MYH14: variants seen among roughly 807,000 people sequenced by gnomAD.
MYH14 encodes myosin heavy chain 14.
Under a neutral mutation model 255.5 loss-of-function variants are expected in MYH14, and 123 were observed. The ratio of observed to expected loss-of-function variants is 0.48; its 90% CI spans 0.42 to 0.56. The LOEUF (loss-of-function observed/expected upper bound fraction) is 0.56, where lower values mean the gene tolerates loss of function less well. MYH14 is among the 20% of genes least tolerant of loss of function. MYH14 has a pLI of 0.00. For missense variants in MYH14, 2,423 were observed against 2,802.3 expected, an observed-to-expected ratio of 0.86 and a Z score of 3.06; for synonymous variants, 1,095 against 1,161.2, an observed-to-expected ratio of 0.94 and a Z score of 1.16.
At chr19:50,207,281 G>GAGAGAC (rs1568458454) in intron 1 of MYH14, among the ~76,000 whole-genome samples, 1 of 144,468 alleles carries the variant, frequency 6.9e-6, no homozygotes, top group Admixed American at 7.0e-5. Context: ...CAGAGAGAGA[G>GAGAGAC]AGAGAGAGAG....
intron 1 of MYH14, among the ~76,000 whole-genome samples, chr19:50,204,395 T>C (rs1192892259): frequency 6.6e-6 from 1 of 152,168 alleles, no homozygotes; most frequent in Non-Finnish European, 1.5e-5. Flanking sequence ...AATCACCAAC[T>C]GGGACGCAGA....
chr19:50,286,342 C>A, intron 33 of MYH14, 140 bp from the exon 34 acceptor site: 1 of 837,018 alleles, frequency 1.2e-6, no homozygotes, highest in Non-Finnish European at 1.9e-6. Context: ...TTTAATCCCT[C>A]TACCTCCCTC....
At chr19:50,222,990 T>A in intron 3 of MYH14, 93 bp from the exon 4 acceptor site, 1 of 1,259,948 alleles carries the variant, frequency 7.9e-7, no homozygotes, top group South Asian at 1.2e-5. Context: ...TCCCTGGGAA[T>A]AATTTTTAAA....
intron 10 of MYH14, among the ~76,000 whole-genome samples, chr19:50,232,410 G>A (rs2033443371): frequency 6.7e-6 from 1 of 149,366 alleles, no homozygotes. Context: ...TGGCCAATAT[G>A]GTGAAACACC....
Position 50,278,390 on chromosome 19 carries a change from G to A in MYH14, c.4032+101G>A, listed in dbSNP as rs552414405. 2.4e-4 allele frequency: 201 copies of A among 848,682 alleles called. 1 individual carries two copies. Among genetic ancestry groups the A allele is most frequent in the Admixed American group, 1.4e-3 (45 of 32,910 alleles). 52.6% of individuals were successfully genotyped at this position (848,682 alleles called of 1,614,324 possible). A position where few individuals can be genotyped will look rare whatever the true frequency, so the allele number is the denominator to read the frequency against. On this transcript the variant is annotated intron_variant, in intron 30 of 42. Transcript: ENST00000642316. ...TGGTCCATATCAAACCAATTGTCTC[G>A]TTTGGCTCTTCCAACATAATCATGT...
intron 39 of MYH14, among the ~76,000 whole-genome samples, chr19:50,296,148 C>T (rs1448290774): frequency 1.3e-5 from 2 of 152,002 alleles, no homozygotes; most frequent in Non-Finnish European, 2.9e-5. Flanking sequence ...CTAAGCAAAC[C>T]CCTGTAGTTC....
intron 3 of MYH14, among the ~76,000 whole-genome samples, chr19:50,220,550 C>T (rs943149392): frequency 5.3e-5 from 8 of 150,998 alleles, no homozygotes; most frequent in African/African-American, 1.9e-4. Flanking sequence ...ATATTGTAAA[C>T]ATATTATGCT....
Position 50,284,552 on chromosome 19 carries a change from T to A in MYH14, c.4540-1930T>A, listed in dbSNP as rs530918877. 5.3e-4 allele frequency among the ~76,000 whole-genome samples: 81 copies of A among 151,720 alleles called. 1 individual carries two copies. The highest frequency in any genetic ancestry group is 3.3e-3 in the East Asian group (17 of 5,166). On this transcript the variant is annotated intron_variant, in intron 33 of 42. Transcript: ENST00000642316. ...CCGGCTAATTTTTTTATTTTTATTT[T>A]TTTTTTATTTTTTATTTTTAGTAAA...
intron 29 of MYH14, among the ~76,000 whole-genome samples, chr19:50,277,296 C>A (rs1006859929): frequency 2.6e-5 from 4 of 151,962 alleles, no homozygotes; most frequent in African/African-American, 9.7e-5. Flanking sequence ...AGGTATTCTG[C>A]GAGAAGGTGA....
intron 33 of MYH14, among the ~76,000 whole-genome samples, chr19:50,283,977 C>T (rs1219944510): frequency 2.0e-5 from 3 of 151,646 alleles, no homozygotes; most frequent in Non-Finnish European, 2.9e-5. Flanking sequence ...GAGGCTGAGG[C>T]AGGAGAATCG....
intron 27 of MYH14, among the ~76,000 whole-genome samples, chr19:50,272,932 G>A (rs2035365673): frequency 6.6e-6 from 1 of 152,134 alleles, no homozygotes; most frequent in Non-Finnish European, 1.5e-5. Context: ...TAGGTTAAGG[G>A]AAAAGTGAAA....
intron 2 of MYH14, among the ~76,000 whole-genome samples, chr19:50,214,895 G>A (rs2032390489): frequency 6.6e-6 from 1 of 152,168 alleles, no homozygotes. Context: ...GCCTCGGCCT[G>A]GCTGGTTTTT....
In MYH14 at chr19:50,280,670, C is replaced by G. The variant is rs1443822941; in HGVS notation, c.4290+287C>G. On this transcript the variant is annotated intron_variant, in intron 32 of 42. Transcript: ENST00000642316. The surrounding 1 kb of genome is among the most constrained non-coding windows in gnomAD (Gnocchi z 4.8). ...CTCTTGGCCTCTGGGCCTCCAGCCT[C>G]TCCCCTAACAGCTCATCCCCTGCAC... Among the ~76,000 whole-genome samples, 3 of 152,216 alleles carry G rather than the reference C, an allele frequency of 2.0e-5. No homozygotes were observed. The South Asian group carries it at 6.2e-4, about 32-fold the overall frequency.
At chr19:50,240,834 A>G (rs2033865406) in intron 10 of MYH14, among the ~76,000 whole-genome samples, 2 of 152,094 alleles carry the variant, frequency 1.3e-5, no homozygotes, top group Non-Finnish European at 2.9e-5. Flanking sequence ...AACCCAAAAA[A>G]ACAACCACAG....
At chr19:50,246,761 G>A (rs540403496) in intron 11 of MYH14, among the ~76,000 whole-genome samples, 18 of 152,320 alleles carry the variant, frequency 1.2e-4, no homozygotes, top group Admixed American at 6.5e-4. Context: ...ACAACACTGC[G>A]CTGAACATCC....
At chr19:50,212,016 T>C (rs1223339618) in intron 2 of MYH14, among the ~76,000 whole-genome samples, 1 of 151,836 alleles carries the variant, frequency 6.6e-6, no homozygotes, top group African/African-American at 2.4e-5. Context: ...CAAAAACCCA[T>C]TGAGAAGAGA....
At chr19:50,240,370 G>A (rs1214552008) in intron 10 of MYH14, among the ~76,000 whole-genome samples, 1 of 152,042 alleles carries the variant, frequency 6.6e-6, no homozygotes, top group Non-Finnish European at 1.5e-5. Context: ...CTTGAGCCGG[G>A]GAATTTGAGA....
At chr19:50,283,569 GT>G (rs1013901838) in intron 33 of MYH14, among the ~76,000 whole-genome samples, 1 of 152,020 alleles carries the variant, frequency 6.6e-6, no homozygotes, top group African/African-American at 2.4e-5. Flanking sequence ...GAACATTTGG[GT>G]TTTTTTCCAG....
rs139275707 is a variant in MYH14 at position 50,282,211 on chromosome 19, T to A, written c.4539+369T>A. Among the ~76,000 whole-genome samples, 860 of 152,342 alleles carry A rather than the reference T, an allele frequency of 5.6e-3. 12 individuals carry two copies. Among genetic ancestry groups the A allele is most frequent in the African/African-American group, 0.02 (833 of 41,568 alleles). ...CCTCAGGCAAGTTGCTTTTTCCATC[T>A]CAGCTTCAGTTCGCCCATCTGGAAA... On this transcript the variant is annotated intron_variant, in intron 33 of 42. Transcript: ENST00000642316.
Sources: gnomAD v4.1 joint callset for allele counts (sites outside exome capture counted in the v4.1 genomes callset) on GRCh38, gnomAD v4.1.1 for gene constraint, Gnocchi (gnomAD v3.1) non-coding constraint, MANE v1.5 for transcripts, NCBI Gene and HGNC (gene_info 2026-07-23, HGNC 2026-07-21) for gene names.